Variants in COL26A1 observed in about 807,000 individuals in gnomAD.
The protein encoded by COL26A1 is collagen type XXVI alpha 1 chain, also known as collagen alpha-1(XXVI) chain.
In COL26A1, 41 loss-of-function variants were observed where a neutral mutation model predicts 59.3. The ratio of observed to expected loss-of-function variants is 0.69; its 90% confidence interval spans 0.54 to 0.90. The LOEUF is 0.90. Ranked by LOEUF, COL26A1 falls within the 40% of genes least tolerant of loss-of-function variation. The pLI is 0.00. For missense variants in COL26A1, 612 were observed against 602.3 expected (o/e 1.02, Z -0.17); for synonymous variants, 266 against 256.0 (o/e 1.04, Z -0.37).
intron 2 of COL26A1, among the ~76,000 whole-genome samples, chr7:101,422,833 G>T (rs1177572494): frequency 1.3e-5 from 2 of 152,006 alleles, no homozygotes; most frequent in Non-Finnish European, 2.9e-5. Flanking sequence ...AGAGACAGGG[G>T]TCTCGCCATG....
In COL26A1 at chr7:101,557,563, TAGAG is replaced by T; in HGVS notation, c.*35_*38del. ...CTGCTCCAGGACACCCTGTCCTGGC[TAGAG>T]ACCCAGCCCCAGAGGCCTGAGCCGC... On this transcript the variant is annotated 3_prime_UTR_variant, in exon 13 of 13. Transcript: ENST00000313669. 6.4e-7 allele frequency: 1 copy of T among 1,571,942 alleles called. No individual in the cohort carries two copies. Among genetic ancestry groups the T allele is most frequent in the Non-Finnish European group, 8.7e-7 (1 of 1,154,648 alleles).
chr7:101,510,655 G>T (rs1299419177), intron 3 of COL26A1, among the ~76,000 whole-genome samples: 2 of 151,910 alleles, frequency 1.3e-5, no homozygotes, highest in Non-Finnish European at 2.9e-5. Flanking sequence ...CTACAGGTGA[G>T]CACCACCATG....
intron 3 of COL26A1, among the ~76,000 whole-genome samples, chr7:101,520,633 T>TACATACACACAC (rs1795121070): frequency 7.3e-6 from 1 of 137,224 alleles, no homozygotes; most frequent in Non-Finnish European, 1.5e-5. Context: ...CACAGACACA[T>TACATACACACAC]ACACACACAC....
intron 1 of COL26A1, among the ~76,000 whole-genome samples, chr7:101,402,503 G>T (rs1458250805): frequency 6.6e-6 from 1 of 151,868 alleles, no homozygotes; most frequent in Non-Finnish European, 1.5e-5. Context: ...TCTTTCCAAG[G>T]CCTCTGGCTG....
chr7:101,456,999 G>A (rs1003455097), intron 3 of COL26A1, among the ~76,000 whole-genome samples: 4 of 152,110 alleles, frequency 2.6e-5, no homozygotes, highest in Admixed American at 2.0e-4. Context: ...ACATGATGCC[G>A]GCCACGTGGG....
At chr7:101,425,101 T>C (rs539454953) in intron 2 of COL26A1, among the ~76,000 whole-genome samples, 14 of 151,658 alleles carry the variant, frequency 9.2e-5, no homozygotes, top group African/African-American at 3.4e-4. Context: ...TTAAAAAAAA[T>C]TTTGGCCAGG....
intron 1 of COL26A1, among the ~76,000 whole-genome samples, chr7:101,369,044 A>G (rs913139993): frequency 6.6e-6 from 1 of 151,984 alleles, no homozygotes; most frequent in African/African-American, 2.4e-5. Flanking sequence ...CACAGAGGTA[A>G]TATGCTAGTT....
intron 1 of COL26A1, among the ~76,000 whole-genome samples, chr7:101,364,085 A>G (rs1026837232): frequency 6.6e-6 from 1 of 152,190 alleles, no homozygotes; most frequent in East Asian, 1.9e-4. Flanking sequence ...GGGACCCGCC[A>G]GGCGTCTCCT....
chr7:101,451,098 T>G (rs992229922), intron 3 of COL26A1, among the ~76,000 whole-genome samples: 4 of 118,310 alleles, frequency 3.4e-5, no homozygotes, highest in African/African-American at 1.1e-4. Flanking sequence ...TTGAAATATA[T>G]GATACGTATT....
intron 3 of COL26A1, among the ~76,000 whole-genome samples, chr7:101,478,624 G>A (rs1296838176): frequency 1.3e-5 from 2 of 152,100 alleles, no homozygotes; most frequent in African/African-American, 4.8e-5. Flanking sequence ...TTGCTTCAGT[G>A]TTTCCTTTTT....
At chr7:101,542,930 A>G (rs1795648390) in intron 5 of COL26A1, among the ~76,000 whole-genome samples, 1 of 152,224 alleles carries the variant, frequency 6.6e-6, no homozygotes, top group Non-Finnish European at 1.5e-5. Flanking sequence ...CAGGCCCACG[A>G]AAGCGCATGC....
chr7:101,363,752 G>T (rs1790970290), intron 1 of COL26A1, among the ~76,000 whole-genome samples: 1 of 152,104 alleles, frequency 6.6e-6, no homozygotes, highest in Non-Finnish European at 1.5e-5. Context: ...TCCGAGTAGA[G>T]GTGGTTCCGA....
At chr7:101,536,937 A>C (rs994409674) in intron 4 of COL26A1, among the ~76,000 whole-genome samples, 3 of 152,186 alleles carry the variant, frequency 2.0e-5, no homozygotes, top group Non-Finnish European at 4.4e-5. Context: ...GCACCCAAAC[A>C]GACTCCTTAC....
intron 2 of COL26A1, among the ~76,000 whole-genome samples, chr7:101,420,664 A>C (rs1584392474): frequency 2.1e-5 from 1 of 47,352 alleles, no homozygotes; most frequent in African/African-American, 8.5e-5. Flanking sequence ...GCCCCTCACC[A>C]GCTCTGCCCC....
chr7:101,382,874 G>T (rs764748614), intron 1 of COL26A1, among the ~76,000 whole-genome samples: 1 of 151,898 alleles, frequency 6.6e-6, no homozygotes. Context: ...GGAGAATATC[G>T]CTACTAAAAA....
intron 2 of COL26A1, among the ~76,000 whole-genome samples, chr7:101,430,188 A>G (rs999204605): frequency 3.3e-4 from 50 of 152,252 alleles, no homozygotes; most frequent in African/African-American, 1.1e-3. Context: ...TTATTTTGTT[A>G]GATTCATACC....
At chr7:101,418,026 T>C (rs1792420180) in intron 1 of COL26A1, among the ~76,000 whole-genome samples, 1 of 151,958 alleles carries the variant, frequency 6.6e-6, no homozygotes, top group African/African-American at 2.4e-5. Flanking sequence ...TGCCCAGTCG[T>C]ATATATATAC....
chr7:101,514,494 A>G (rs1794988307), intron 3 of COL26A1, among the ~76,000 whole-genome samples: 1 of 152,032 alleles, frequency 6.6e-6, no homozygotes, highest in Non-Finnish European at 1.5e-5. Context: ...GAGTCAGGGG[A>G]CCCAGGGTTG....
chr7:101,396,410 C>G (rs958542623), intron 1 of COL26A1, among the ~76,000 whole-genome samples: 5 of 152,150 alleles, frequency 3.3e-5, no homozygotes, highest in African/African-American at 1.2e-4. Context: ...CAGCCCCTGA[C>G]TGACTACTCC....
Sources: gnomAD v4.1 joint callset for allele counts (sites outside exome capture counted in the v4.1 genomes callset) on GRCh38, gnomAD v4.1.1 for gene constraint, MANE v1.5 for transcripts, NCBI Gene and HGNC (gene_info 2026-07-23, HGNC 2026-07-21) for gene names.